Variants in XRN1 observed in about 807,000 individuals in gnomAD.
XRN1 encodes 5'-3' exoribonuclease 1.
Under a neutral mutation model 222.3 loss-of-function variants are expected in XRN1, and 67 were observed. That is an observed-to-expected ratio of 0.30 (90% CI 0.25 to 0.37). XRN1 has a LOEUF of 0.37. XRN1 is among the 10% of genes least tolerant of loss of function. XRN1 has a pLI of 1.00. For synonymous variants in XRN1, 643 were observed against 652.4 expected, an observed-to-expected ratio of 0.99 and a Z score of 0.22; for missense variants, 1,707 against 2,000.2, an observed-to-expected ratio of 0.85 and a Z score of 2.80.
chr3:142,398,648 T>C (rs2068018310), intron 19 of XRN1, among the ~76,000 whole-genome samples: 1 of 152,170 alleles, frequency 6.6e-6, no homozygotes, highest in Admixed American at 6.5e-5. Flanking sequence ...ATTACAGGCT[T>C]GAGCCACCAC....
chr3:142,385,352 AAAG>A (rs2067457535), intron 20 of XRN1, among the ~76,000 whole-genome samples: 1 of 152,212 alleles, frequency 6.6e-6, no homozygotes, highest in South Asian at 2.1e-4. Context: ...ATGCTAAATG[AAAG>A]AAGCCTGATA....
At chr3:142,386,886 G>A (rs899924067) in intron 20 of XRN1, among the ~76,000 whole-genome samples, 61 of 152,274 alleles carry the variant, frequency 4.0e-4, no homozygotes, top group African/African-American at 1.5e-3. Flanking sequence ...TGCTGGTAGA[G>A]CGTAAATTGA....
intron 39 of XRN1, among the ~76,000 whole-genome samples, chr3:142,317,910 C>A (rs778554130): frequency 2.6e-5 from 3 of 117,244 alleles, no homozygotes; most frequent in Non-Finnish European, 1.7e-5. Context: ...CTTTTCAAAT[C>A]TCTAATCTGC....
At chr3:142,401,891 T>A (rs2068149669) in intron 18 of XRN1, among the ~76,000 whole-genome samples, 1 of 152,202 alleles carries the variant, frequency 6.6e-6, no homozygotes, top group African/African-American at 2.4e-5. Flanking sequence ...ACAGATCTTA[T>A]TTGAGTTTTT....
intron 39 of XRN1, 103 bp from the exon 40 acceptor site, chr3:142,312,861 C>T: frequency 7.9e-7 from 1 of 1,266,556 alleles, no homozygotes; most frequent in South Asian, 1.5e-5. Context: ...TTTTTTTTCC[C>T]CTTTGGCAAA....
intron 29 of XRN1, among the ~76,000 whole-genome samples, chr3:142,364,428 TCC>T (rs2066753770): frequency 6.6e-6 from 1 of 151,940 alleles, no homozygotes; most frequent in Non-Finnish European, 1.5e-5. Flanking sequence ...TTCCTTATTT[TCC>T]CCCTTCTCTG....
chr3:142,368,929 G>A (rs1401653078), intron 27 of XRN1, among the ~76,000 whole-genome samples: 3 of 152,126 alleles, frequency 2.0e-5, no homozygotes, highest in Admixed American at 2.0e-4. Flanking sequence ...TATTAACTCA[G>A]TTTATCTTTT....
At chr3:142,385,513 A>G (rs1301940057) in intron 20 of XRN1, among the ~76,000 whole-genome samples, 1 of 152,178 alleles carries the variant, frequency 6.6e-6, no homozygotes, top group Non-Finnish European at 1.5e-5. Context: ...AGTTTTTTAG[A>G]TAAAAGTTTA....
intron 33 of XRN1, among the ~76,000 whole-genome samples, chr3:142,336,077 GA>G (rs1170805410): frequency 6.6e-6 from 1 of 152,132 alleles, no homozygotes; most frequent in Admixed American, 6.6e-5. Flanking sequence ...CTGTTAAGGG[GA>G]AATTGGGGGA....
Position 142,414,253 on chromosome 3 carries a change from A to G in XRN1, c.1475T>C (p.Ile492Thr). The G allele has an allele frequency of 6.2e-7, 1 of 1,613,278 alleles. No homozygotes were observed. The highest frequency in any genetic ancestry group is 8.5e-7 in the Non-Finnish European group (1 of 1,179,612). Reference protein sequence around the residue: ...PYHYAPFLSDIHNISTLKIHF... With the variant: ...PYHYAPFLSDTHNISTLKIHF... ...GATTTTGAGTGTACTGATGTTGTGT[A>G]TATCAGACAGGAAAGGTGCATAATG... The change falls in exon 14 of 41, where the codon ATA (isoleucine) becomes ACA (threonine). Residue 492 changes from isoleucine to threonine, a missense_variant. Coordinates refer to ENST00000392981, the MANE Select transcript of XRN1 (RefSeq NM_001282857.2).
rs2066482153 is a variant in XRN1, at chr3:142,356,950, G to C, written c.3634C>G (p.Leu1212Val). Residue 1212 changes from leucine to valine, a missense_variant, in exon 31 of 41, where the codon CTC (leucine) becomes GTC (valine). Around this residue, in one of 2 missense-constraint regions of XRN1, gnomAD observed 1,234 missense variants for 1,518.2 expected, o/e 0.81. Transcript: ENST00000392981. Reference sequence around the variant, plus strand: ...AAAAGTGATTGAGGGGAATGGTTGAGGGCTCCCAAATGCCCAGAGGAAACT... The same window carrying C: ...AAAAGTGATTGAGGGGAATGGTTGACGGCTCCCAAATGCCCAGAGGAAACT... Reference protein sequence around the residue: ...SSVSSGHLGALNHSPQSLFVP... With the variant: ...SSVSSGHLGAVNHSPQSLFVP... 6.2e-7 allele frequency: 1 copy of C among 1,614,090 alleles called. No individual in the cohort carries two copies. The highest frequency in any genetic ancestry group is 1.3e-5 in the African/African-American group (1 of 75,056).
chr3:142,412,125 T>A (rs1207071439), intron 15 of XRN1, among the ~76,000 whole-genome samples: 2 of 152,134 alleles, frequency 1.3e-5, no homozygotes, highest in Non-Finnish European at 2.9e-5. Flanking sequence ...CGCCCGGCCA[T>A]CCTTACTGAA....
chr3:142,406,633 C>A (rs920677214), intron 15 of XRN1, among the ~76,000 whole-genome samples: 1 of 152,070 alleles, frequency 6.6e-6, no homozygotes, highest in African/African-American at 2.4e-5. Context: ...CTCAAGTGAT[C>A]CTCTCACTTC....
At chr3:142,360,886 A>AC (rs1332410505) in intron 29 of XRN1, among the ~76,000 whole-genome samples, 1 of 151,432 alleles carries the variant, frequency 6.6e-6, no homozygotes, top group Non-Finnish European at 1.5e-5. Context: ...AAAAAAAAAA[A>AC]AAAACCAAAC....
intron 40 of XRN1, among the ~76,000 whole-genome samples, chr3:142,312,029 G>T (rs2065090395): frequency 6.6e-6 from 1 of 152,112 alleles, no homozygotes; most frequent in Non-Finnish European, 1.5e-5. Context: ...GCTCACAACT[G>T]TAATATCAGC....
At chr3:142,321,510 T>G (rs1415174795) in intron 37 of XRN1, among the ~76,000 whole-genome samples, 3 of 152,214 alleles carry the variant, frequency 2.0e-5, no homozygotes, top group African/African-American at 7.2e-5. Context: ...TCTGTTCTAT[T>G]CCATTGGGAT....
chr3:142,320,666 T>C (rs1050489621), intron 37 of XRN1, among the ~76,000 whole-genome samples: 3 of 152,172 alleles, frequency 2.0e-5, no homozygotes, highest in Admixed American at 6.5e-5. Context: ...GGGTTTCTTA[T>C]AGGATTTTTA....
intron 29 of XRN1, 64 bp downstream of exon 29, chr3:142,364,983 C>CA: frequency 6.7e-7 from 1 of 1,497,118 alleles, no homozygotes; most frequent in Non-Finnish European, 9.0e-7. Flanking sequence ...AAAAAACAGA[C>CA]AAGCCTGTTT....
chr3:142,389,921 T>C (rs1265783052), intron 20 of XRN1, among the ~76,000 whole-genome samples: 1 of 152,358 alleles, frequency 6.6e-6, no homozygotes, highest in Admixed American at 6.5e-5. Context: ...ATGGATGTTG[T>C]GTTTGCATGT....
Sources: allele counts gnomAD v4.1 joint callset (sites outside exome capture counted in the v4.1 genomes callset), GRCh38; gene constraint gnomAD v4.1.1; regional missense constraint gnomAD v4.1.1; transcripts MANE v1.5; gene names NCBI Gene and HGNC (gene_info 2026-07-23, HGNC 2026-07-21).